Variants in INTS2 observed in about 807,000 individuals in gnomAD.
The protein encoded by INTS2 is KIAA1287.
A neutral mutation model predicts 139.6 loss-of-function variants in INTS2; 57 were observed. That is an observed-to-expected ratio of 0.41 (90% CI 0.33 to 0.51). The LOEUF (loss-of-function observed/expected upper bound fraction) is 0.51, where lower values mean the gene tolerates loss of function less well. INTS2 is among the 20% of genes least tolerant of loss of function. The pLI is 0.28. For synonymous variants in INTS2, 473 were observed against 493.4 expected, an observed-to-expected ratio of 0.96 and a Z score of 0.55; for missense variants, 1,196 against 1,436.7, an observed-to-expected ratio of 0.83 and a Z score of 2.71.
In INTS2 at chr17:61,909,782, T is replaced by TGTGTGTGTATACATATATAC. The variant is rs143853381; in HGVS notation, c.954+1718_954+1737dup. ...TTGTATTCCATGGTGTGTGTGTTTG[T>TGTGTGTGTATACATATATAC]GTGTGTGTATACATATATACGTGTG... is the stretch of plus-strand genomic sequence containing the variant. On this transcript the variant is annotated intron_variant, in intron 7 of 24. Coordinates refer to ENST00000251334, the MANE Select transcript of INTS2 (RefSeq NM_001351695.2). The surrounding 1 kb of genome is among the most constrained non-coding windows in gnomAD (Gnocchi z 4.9). 6.3e-5 allele frequency among the ~76,000 whole-genome samples: 9 copies of TGTGTGTGTATACATATATAC among 143,846 alleles called. No homozygotes were observed. The highest frequency in any genetic ancestry group is 2.3e-4 in the African/African-American group (9 of 39,988). The allele number at this position is 143,846 out of a possible 152,430, so 94.4% of individuals were successfully genotyped here.
rs1365225923 is a variant in INTS2, at chr17:61,893,901, TA to T, written c.1564-3del. On this transcript the variant is annotated splice_region_variant and splice_polypyrimidine_tract_variant and intron_variant, in intron 12 of 24. Transcript: ENST00000251334. This position sits in a 1 kb window ranked among gnomAD's most constrained non-coding sequence, Gnocchi z 5.4. ...CCGAACTGCATGAGCTGTGACAACC[TA>T]AAAGGGAAAAATAGCATTAGTAATA... The T allele has an allele frequency of 1.3e-6, 2 of 1,547,756 alleles. No homozygotes were observed. Among genetic ancestry groups the T allele is most frequent in the Non-Finnish European group, 1.7e-6 (2 of 1,144,658 alleles).
At chr17:61,890,095 A>G (rs902475513) in intron 14 of INTS2, among the ~76,000 whole-genome samples, 2 of 152,352 alleles carry the variant, frequency 1.3e-5, no homozygotes, top group African/African-American at 4.8e-5. Context: ...GAAAGGCAAC[A>G]TGCTTAAGTG....
chr17:61,869,858 C>T lies in INTS2; in HGVS notation c.2909G>A (p.Gly970Glu). The T allele has an allele frequency of 6.2e-7, 1 of 1,613,908 alleles. No homozygotes were observed. The highest frequency in any genetic ancestry group is 8.5e-7 in the Non-Finnish European group (1 of 1,179,828). ...SVITTSAPNK[G>E]MEEGEDNLLC... ...CAAATTGTCTTCTCCTTCCTCCATTCCCTTATTTGGAGCGCTGGTGGTAAT... is the reference window on the plus strand; with the variant it reads ...CAAATTGTCTTCTCCTTCCTCCATTTCCTTATTTGGAGCGCTGGTGGTAAT... Residue 970 changes from glycine (G) to glutamate (E), a missense_variant, in exon 21 of 25, where the codon GGA (glycine) becomes GAA (glutamate). Physicochemically the swap from Gly to Glu is moderately conservative, Grantham distance 98. This residue lies in a region of INTS2 where 1,129 missense variants were observed against 1,341.9 expected (regional missense o/e 0.84). Coordinates refer to ENST00000251334, the MANE Select transcript of INTS2 (RefSeq NM_001351695.2). This position sits in a 1 kb window ranked among gnomAD's most constrained non-coding sequence, Gnocchi z 5.4.
At chr17:61,924,594 G>A (rs1381167418) in intron 3 of INTS2, among the ~76,000 whole-genome samples, 1 of 152,130 alleles carries the variant, frequency 6.6e-6, no homozygotes, top group Non-Finnish European at 1.5e-5. Flanking sequence ...TGAGGCGGGT[G>A]GATCACCTGA....
chr17:61,870,024 T>C lies in INTS2; in HGVS notation c.2779-36A>G. ...ACAAAACATAGAAAAAGTAAGAAGT[T>C]TCTAAGAAGTTAAAAAACAAATCAG... is the stretch of plus-strand genomic sequence containing the variant. On this transcript the variant is annotated intron_variant, in intron 20 of 24. Transcript: ENST00000251334. The surrounding 1 kb of genome is among the most constrained non-coding windows in gnomAD (Gnocchi z 4.4). 1 of 1,555,006 alleles carries C rather than the reference T, an allele frequency of 6.4e-7. No homozygotes were observed. The highest frequency in any genetic ancestry group is 8.7e-7 in the Non-Finnish European group (1 of 1,150,810).
intron 5 of INTS2, among the ~76,000 whole-genome samples, chr17:61,914,281 T>C (rs931688442): frequency 7.2e-5 from 11 of 152,202 alleles, no homozygotes; most frequent in Admixed American, 4.6e-4. Context: ...AATAAAGAAG[T>C]CTATTTTGTC....
At chr17:61,914,625 C>T (rs1253078631) in intron 5 of INTS2, among the ~76,000 whole-genome samples, 1 of 149,268 alleles carries the variant, frequency 6.7e-6, no homozygotes, top group Non-Finnish European at 1.5e-5. Flanking sequence ...ATGGCGTGAA[C>T]ACAGGAGGCG....
At chr17:61,874,493 C>T (rs779004623) in intron 19 of INTS2, among the ~76,000 whole-genome samples, 4 of 152,126 alleles carry the variant, frequency 2.6e-5, no homozygotes, top group Non-Finnish European at 4.4e-5. Flanking sequence ...GGATTTAGAG[C>T]CAAATGTGGA....
intron 15 of INTS2, among the ~76,000 whole-genome samples, chr17:61,887,862 G>C (rs2079245353): frequency 1.3e-5 from 2 of 151,908 alleles, no homozygotes; most frequent in Admixed American, 6.6e-5. Context: ...AGACCAGCCT[G>C]GCCAGTATGA....
rs1387284004 is a variant in INTS2, at chr17:61,905,699, G to GT, written c.1182-1115dup. On this transcript the variant is annotated intron_variant, in intron 8 of 24. Coordinates refer to ENST00000251334, the MANE Select transcript of INTS2 (RefSeq NM_001351695.2). The stretch of plus-strand genomic sequence containing the variant: ...ACAGCCTTTGCCTCCTTTTTTTTAT[G>GT]TTTTTTGTTTTTGTAGAGATGGAGT... Among the ~76,000 whole-genome samples the GT allele has an allele frequency of 6.6e-5, 10 of 151,710 alleles. No homozygotes were observed. The East Asian group carries it at 1.7e-3, about 26-fold the overall frequency.
intron 17 of INTS2, among the ~76,000 whole-genome samples, chr17:61,879,797 A>C (rs2079161563): frequency 6.6e-6 from 1 of 152,192 alleles, no homozygotes; most frequent in Admixed American, 6.5e-5. Flanking sequence ...CCAAGATTGC[A>C]CCACTGCAGT....
chr17:61,869,586 C>T lies in INTS2; in HGVS notation c.3030+151G>A. Reference sequence around the variant, plus strand: ...CATTTCATTAGGTTAAAAAAAAAAACAACTAAAAATCTGGATTTTTCTCCA... The same window carrying T: ...CATTTCATTAGGTTAAAAAAAAAAATAACTAAAAATCTGGATTTTTCTCCA... On this transcript the variant is annotated intron_variant, in intron 21 of 24. Coordinates refer to ENST00000251334, the MANE Select transcript of INTS2 (RefSeq NM_001351695.2). This position sits in a 1 kb window ranked among gnomAD's most constrained non-coding sequence, Gnocchi z 5.4. The T allele has an allele frequency of 1.0e-6, 1 of 953,860 alleles. No homozygotes were observed. Among genetic ancestry groups the T allele is most frequent in the Non-Finnish European group, 1.5e-6 (1 of 657,110 alleles). 59.1% of individuals were successfully genotyped at this position (953,860 alleles called of 1,614,324 possible).
chr17:61,870,678 A>G lies in INTS2; in HGVS notation c.2779-690T>C, dbSNP rs1351433924. On this transcript the variant is annotated intron_variant, in intron 20 of 24. Transcript: ENST00000251334. This position sits in a 1 kb window ranked among gnomAD's most constrained non-coding sequence, Gnocchi z 4.4. ...TGACATCCACCTCTGATAGACAGCTACTGCCTAAGGTAGAGAAAACAATTA... is the reference window on the plus strand; with the variant it reads ...TGACATCCACCTCTGATAGACAGCTGCTGCCTAAGGTAGAGAAAACAATTA... Among the ~76,000 whole-genome samples, 1 of 152,260 alleles carries G rather than the reference A, an allele frequency of 6.6e-6. No homozygotes were observed. The highest frequency in any genetic ancestry group is 1.5e-5 in the Non-Finnish European group (1 of 68,052).
chr17:61,907,204 G>C (rs2079475061), intron 8 of INTS2, among the ~76,000 whole-genome samples: 2 of 151,998 alleles, frequency 1.3e-5, no homozygotes, highest in Non-Finnish European at 1.5e-5. Flanking sequence ...ATATAGTTCT[G>C]TTTACAATCA....
chr17:61,927,871 C>G lies in INTS2; in HGVS notation c.-236G>C, dbSNP rs1045247292. 16 of 1,613,792 alleles carry G rather than the reference C, an allele frequency of 9.9e-6. No individual in the cohort carries two copies. The East Asian group carries it at 3.1e-4, about 31-fold the overall frequency. On this transcript the variant is annotated 5_prime_UTR_variant, in exon 1 of 25. Transcript: ENST00000251334. ...AAGTGGGAAGGATGGGGGCACCACA[C>G]AAAGGCAGAACCGGGACTGTAGGAA... is the stretch of plus-strand genomic sequence containing the variant.
At chr17:61,878,193 T>C (rs2079143402) in intron 17 of INTS2, 105 bp from the exon 18 acceptor site, 1 of 691,570 alleles carries the variant, frequency 1.4e-6, no homozygotes, top group African/African-American at 1.8e-5. Flanking sequence ...AAGAAAACAA[T>C]GTGGCTAAAA....
rs1441309871 is a variant in INTS2 at position 61,891,689 on chromosome 17, C to G, written c.1699G>C (p.Asp567His). Residue 567 changes from aspartate (D) to histidine (H), a missense_variant and splice_region_variant, in exon 14 of 25, where the codon GAT becomes CAT. Around this residue, in one of 3 missense-constraint regions of INTS2, gnomAD observed 1,129 missense variants for 1,341.9 expected, o/e 0.84. Coordinates refer to ENST00000251334, the MANE Select transcript of INTS2 (RefSeq NM_001351695.2). ...TCACACAGCTGTCTATAAATCCAATCCTAAGAAAGAATGTTATAGACACTG... is the reference window on the plus strand; with the variant it reads ...TCACACAGCTGTCTATAAATCCAATGCTAAGAAAGAATGTTATAGACACTG... ...SFTKHKVSIK[D>H]WIYRQLCETS... is the part of the protein sequence containing the mutation. The G allele has an allele frequency of 6.2e-6, 10 of 1,602,654 alleles. No homozygotes were observed. Among genetic ancestry groups the G allele is most frequent in the Non-Finnish European group, 8.5e-6 (10 of 1,174,710 alleles).
At chr17:61,926,993 T>C (rs1019009163) in intron 1 of INTS2, 8 of 317,186 alleles carry the variant, frequency 2.5e-5, no homozygotes, top group African/African-American at 1.7e-4. Context: ...AATCCAAGGC[T>C]GAATCCTCAT....
chr17:61,923,765 C>T (rs925632543), intron 3 of INTS2, among the ~76,000 whole-genome samples: 1 of 151,942 alleles, frequency 6.6e-6, no homozygotes, highest in Non-Finnish European at 1.5e-5. Context: ...CCACAACCTC[C>T]ACCTCCCAGG....
Sources: allele counts gnomAD v4.1 joint callset (sites outside exome capture counted in the v4.1 genomes callset), GRCh38; gene constraint gnomAD v4.1.1; regional missense constraint gnomAD v4.1.1; non-coding constraint Gnocchi (gnomAD v3.1); transcripts MANE v1.5; gene names NCBI Gene and HGNC (gene_info 2026-07-23, HGNC 2026-07-21).